OCA2: variants seen among roughly 807,000 people sequenced by gnomAD.
OCA2 encodes the protein OCA2 melanosomal transmembrane protein.
A neutral mutation model predicts 100.2 loss-of-function variants in OCA2; 77 were observed. That is an observed-to-expected ratio of 0.77 (90% CI 0.64 to 0.93). The LOEUF is 0.93. Among genes scored for constraint, OCA2 ranks in the 40% least tolerant of loss-of-function variants. The pLI is 0.00. For synonymous variants in OCA2, 432 were observed against 439.2 expected (o/e 0.98, Z 0.21); for missense variants, 1,062 against 1,089.1 (o/e 0.98, Z 0.35).
At chr15:27,874,353 T>C (rs773024813) in intron 19 of OCA2, among the ~76,000 whole-genome samples, 1 of 152,048 alleles carries the variant, frequency 6.6e-6, no homozygotes, top group Non-Finnish European at 1.5e-5. Flanking sequence ...CCTGTGAGGG[T>C]TGTAGGCTCC....
In OCA2 at chr15:27,770,820, TCCATTC is replaced by T. The variant is rs1566948804; in HGVS notation, c.2433-15354_2433-15349del. Among the ~76,000 whole-genome samples the T allele has an allele frequency of 2.9e-3, 319 of 111,188 alleles. 4 individuals are homozygous for T. The highest frequency in any genetic ancestry group is 0.01 in the African/African-American group (304 of 29,492). 72.9% of individuals were successfully genotyped at this position (111,188 alleles called of 152,430 possible). On this transcript the variant is annotated intron_variant, in intron 23 of 23. Transcript: ENST00000354638. ...TCCCTCTTTTCCTTCCTTCCTCCCT[TCCATTC>T]TTCCTTCCTCCCTCTTTTCCTTCCT...
At chr15:28,019,395 G>A (rs2042517741) in intron 6 of OCA2, among the ~76,000 whole-genome samples, 1 of 152,062 alleles carries the variant, frequency 6.6e-6, no homozygotes, top group Non-Finnish European at 1.5e-5. Flanking sequence ...GCTGGCTTCT[G>A]TTCATTTGCC....
At chr15:27,824,615 T>TATAC (rs2034642548) in intron 23 of OCA2, among the ~76,000 whole-genome samples, 1 of 128,624 alleles carries the variant, frequency 7.8e-6, no homozygotes, top group South Asian at 2.5e-4. Flanking sequence ...TATATATATA[T>TATAC]ATATATAATA....
At chr15:27,869,054 G>T (rs1207025005) in intron 21 of OCA2, among the ~76,000 whole-genome samples, 1 of 152,230 alleles carries the variant, frequency 6.6e-6, no homozygotes, top group Non-Finnish European at 1.5e-5. Context: ...GCCGCTTCCA[G>T]CCTGAGGCAG....
At chr15:27,931,649 TA>T (rs906096567) in intron 18 of OCA2, among the ~76,000 whole-genome samples, 1 of 70,626 alleles carries the variant, frequency 1.4e-5, no homozygotes. Context: ...ACCTTGCATT[TA>T]AAAAAAAAAA....
At position 27,825,432 on chromosome 15, in the gene OCA2, G is replaced by A. The variant is rs1361718640; in HGVS notation, c.2432+19527C>T. Among the ~76,000 whole-genome samples, 7 of 152,306 alleles carry A rather than the reference G, an allele frequency of 4.6e-5. No individual in the cohort carries two copies. In the South Asian group the frequency reaches 1.0e-3, roughly 23 times the overall value. On this transcript the variant is annotated intron_variant, in intron 23 of 23. Transcript: ENST00000354638. ...GAAGGAACCTTAGGCAGGAGGTCCT[G>A]AAAGTCTTCAGGACTGAGGAGCACT...
chr15:27,779,145 TTCTAATCC>T (rs2032405352), intron 23 of OCA2, among the ~76,000 whole-genome samples: 1 of 152,344 alleles, frequency 6.6e-6, no homozygotes, highest in South Asian at 2.1e-4. Flanking sequence ...CTTGGTATGA[TTCTAATCC>T]TCTTAAATTT....
intron 23 of OCA2, among the ~76,000 whole-genome samples, chr15:27,821,201 G>T (rs941857474): frequency 6.6e-6 from 1 of 152,108 alleles, no homozygotes; most frequent in South Asian, 2.1e-4. Flanking sequence ...TTTTGTATTA[G>T]AGAGGTTATG....
At chr15:28,089,570 A>G (rs905702211) in intron 1 of OCA2, among the ~76,000 whole-genome samples, 3 of 152,198 alleles carry the variant, frequency 2.0e-5, no homozygotes, top group African/African-American at 7.2e-5. Context: ...TCAAAATGGA[A>G]TTCTAAAAAA....
At chr15:27,830,220 A>C (rs2034898462) in intron 23 of OCA2, among the ~76,000 whole-genome samples, 3 of 152,198 alleles carry the variant, frequency 2.0e-5, no homozygotes, top group Non-Finnish European at 4.4e-5. Context: ...GCCCACCAAC[A>C]TACTCAAAAC....
chr15:27,812,801 C>T lies in OCA2; in HGVS notation c.2432+32158G>A, dbSNP rs181965165. Reference sequence around the variant, plus strand: ...CATTAACAGGATCTGTCTCTTACTGCGACTTCAGCTGCTATTGTTTCATTG... The same window carrying T: ...CATTAACAGGATCTGTCTCTTACTGTGACTTCAGCTGCTATTGTTTCATTG... On this transcript the variant is annotated intron_variant, in intron 23 of 23. Coordinates refer to ENST00000354638, the MANE Select transcript of OCA2 (RefSeq NM_000275.3). Among the ~76,000 whole-genome samples the T allele has an allele frequency of 7.2e-5, 11 of 152,304 alleles. No individual in the cohort carries two copies. In the East Asian group the frequency reaches 1.4e-3, roughly 19 times the overall value.
At chr15:27,769,284 C>T (rs2031529981) in intron 23 of OCA2, among the ~76,000 whole-genome samples, 2 of 152,208 alleles carry the variant, frequency 1.3e-5, no homozygotes, top group South Asian at 2.1e-4. Context: ...GTCAGATGGA[C>T]GCCCACACAG....
At chr15:27,912,661 G>A (rs1006415268) in intron 19 of OCA2, among the ~76,000 whole-genome samples, 1 of 152,110 alleles carries the variant, frequency 6.6e-6, no homozygotes, top group African/African-American at 2.4e-5. Context: ...GAAGCAATAA[G>A]GATAATACAA....
At chr15:27,872,276 C>T (rs7177025) in intron 19 of OCA2, among the ~76,000 whole-genome samples, 2,401 of 152,270 alleles carry the variant, frequency 0.016, 57 homozygotes, top group African/African-American at 0.051. Flanking sequence ...TCAAGAAAGT[C>T]GCATTTCCAA....
intron 22 of OCA2, among the ~76,000 whole-genome samples, chr15:27,849,265 T>G (rs1295253890): frequency 6.6e-6 from 1 of 152,194 alleles, no homozygotes; most frequent in East Asian, 1.9e-4. Context: ...CTGCCTGAGT[T>G]GTTGAGAAAA....
intron 19 of OCA2, among the ~76,000 whole-genome samples, chr15:27,886,312 G>T (rs2037221297): frequency 6.6e-6 from 1 of 152,120 alleles, no homozygotes; most frequent in Non-Finnish European, 1.5e-5. Context: ...AGCCCTTCAG[G>T]TCTAACTTTT....
intron 19 of OCA2, among the ~76,000 whole-genome samples, chr15:27,876,833 A>G (rs1437694428): frequency 6.6e-6 from 1 of 151,534 alleles, no homozygotes; most frequent in Non-Finnish European, 1.5e-5. Context: ...GTTTCTTTTC[A>G]AAGAACCAGC....
intron 23 of OCA2, among the ~76,000 whole-genome samples, chr15:27,820,367 T>C (rs1176446943): frequency 2.0e-5 from 3 of 152,180 alleles, no homozygotes; most frequent in Non-Finnish European, 4.4e-5. Context: ...TGATGAGTCA[T>C]GCTGACAGCA....
At chr15:27,831,306 A>AAAAAAAAAAAC (rs398026675) in intron 23 of OCA2, among the ~76,000 whole-genome samples, 1 of 150,924 alleles carries the variant, frequency 6.6e-6, no homozygotes. Context: ...AAAAAAAAAA[A>AAAAAAAAAAAC]TCGGTCTGAG....
Sources: gnomAD v4.1 joint callset for allele counts (sites outside exome capture counted in the v4.1 genomes callset) on GRCh38, gnomAD v4.1.1 for gene constraint, MANE v1.5 for transcripts, NCBI Gene and HGNC (gene_info 2026-07-23, HGNC 2026-07-21) for gene names.